ADCY5: variants seen among roughly 807,000 people sequenced by gnomAD.
ADCY5 encodes adenylate cyclase type 5.
Under a neutral mutation model 119.7 loss-of-function variants are expected in ADCY5, and 30 were observed. The ratio of observed to expected loss-of-function variants is 0.25; its 90% confidence interval spans 0.19 to 0.34. ADCY5 has a LOEUF of 0.34. ADCY5 is among the 10% of genes least tolerant of loss of function. The probability of loss-of-function intolerance (pLI) is 1.00; values close to 1 mark genes in which losing one functional copy is unlikely to be tolerated. For missense variants in ADCY5, 1,324 were observed against 1,775.2 expected (o/e 0.75, Z 4.57); for synonymous variants, 753 against 762.2 (o/e 0.99, Z 0.20).
chr3:123,446,620 G>A (rs886489956), intron 1 of ADCY5, among the ~76,000 whole-genome samples: 4 of 152,322 alleles, frequency 2.6e-5, no homozygotes, highest in African/African-American at 7.2e-5. Context: ...CCAGGCAAAA[G>A]TTGTATTTCT....
At chr3:123,342,449 G>A (rs1184692718) in intron 3 of ADCY5, among the ~76,000 whole-genome samples, 1 of 152,162 alleles carries the variant, frequency 6.6e-6, no homozygotes, top group Non-Finnish European at 1.5e-5. Flanking sequence ...CTGATGTGTG[G>A]GGAGCGGGGC....
At chr3:123,327,476 G>T in intron 7 of ADCY5, 142 bp downstream of exon 7, 1 of 904,628 alleles carries the variant, frequency 1.1e-6, no homozygotes, top group Non-Finnish European at 1.6e-6. Flanking sequence ...AACTGCCGGG[G>T]TCCTTTTTAA....
At chr3:123,403,348 G>C (rs1000500417) in intron 1 of ADCY5, among the ~76,000 whole-genome samples, 2 of 141,670 alleles carry the variant, frequency 1.4e-5, no homozygotes, top group African/African-American at 2.7e-5. Flanking sequence ...ACCACTACAT[G>C]CCAGCCTAGG....
chr3:123,441,097 A>G (rs1296117673), intron 1 of ADCY5, among the ~76,000 whole-genome samples: 1 of 152,200 alleles, frequency 6.6e-6, no homozygotes, highest in East Asian at 1.9e-4. Flanking sequence ...ACAGAATTCC[A>G]GGCTTAGGTG....
chr3:123,329,660 C>T (rs1209765277), intron 5 of ADCY5, among the ~76,000 whole-genome samples: 2 of 152,150 alleles, frequency 1.3e-5, no homozygotes, highest in Non-Finnish European at 2.9e-5. Flanking sequence ...GGGGCATGGG[C>T]GCACTCAGCT....
chr3:123,446,400 T>C (rs1413294145), intron 1 of ADCY5, among the ~76,000 whole-genome samples: 1 of 152,142 alleles, frequency 6.6e-6, no homozygotes, highest in Non-Finnish European at 1.5e-5. Context: ...GTGAAGAGAC[T>C]TGCCTGTAGC....
At chr3:123,434,407 G>A (rs114807878) in intron 1 of ADCY5, among the ~76,000 whole-genome samples, 1 of 152,164 alleles carries the variant, frequency 6.6e-6, no homozygotes, top group African/African-American at 2.4e-5. Flanking sequence ...AGTGTATACA[G>A]GAGAGAAAAA....
chr3:123,335,999 C>T (rs1233416675), intron 3 of ADCY5, among the ~76,000 whole-genome samples: 1 of 152,230 alleles, frequency 6.6e-6, no homozygotes, highest in Admixed American at 6.5e-5. Flanking sequence ...CAGGCCCTAT[C>T]CTGCCAGGCC....
intron 8 of ADCY5, among the ~76,000 whole-genome samples, chr3:123,321,454 A>G (rs1410880115): frequency 6.6e-6 from 1 of 152,158 alleles, no homozygotes; most frequent in South Asian, 2.1e-4. Flanking sequence ...GCCCTCTTGA[A>G]TCTATGAATT....
chr3:123,379,857 T>A (rs1313530688), intron 1 of ADCY5, among the ~76,000 whole-genome samples: 2 of 152,186 alleles, frequency 1.3e-5, no homozygotes, highest in African/African-American at 4.8e-5. Flanking sequence ...TGTTAGCTAA[T>A]ACACAGGTTT....
chr3:123,310,103 TACAC>T (rs60966110), intron 12 of ADCY5, among the ~76,000 whole-genome samples: 6,487 of 121,126 alleles, frequency 0.054, 352 homozygotes, highest in African/African-American at 0.13. Context: ...GAGAGAGATT[TACAC>T]ACACACACAC....
chr3:123,427,383 C>A (rs1366727398), intron 1 of ADCY5, among the ~76,000 whole-genome samples: 1 of 152,214 alleles, frequency 6.6e-6, no homozygotes, highest in African/African-American at 2.4e-5. Context: ...CTTCCCAACC[C>A]AGTCCCACTT....
Position 123,284,334 on chromosome 3 carries a change from A to G in ADCY5, c.*274T>C. ...CCACCTGTGCAGCAGCACCTGTTAG[A>G]AAACTCAAGCTTCAGACCCAGTCTA... On this transcript the variant is annotated 3_prime_UTR_variant, in exon 21 of 21. Transcript: ENST00000462833. The G allele has an allele frequency of 2.3e-6, 1 of 432,892 alleles. No homozygotes were observed. Among genetic ancestry groups the G allele is most frequent in the Non-Finnish European group, 4.2e-6 (1 of 237,632 alleles). 26.8% of individuals were successfully genotyped at this position (432,892 alleles called of 1,614,324 possible).
intron 16 of ADCY5, among the ~76,000 whole-genome samples, chr3:123,296,711 G>GT (rs57302044): frequency 0.27 from 40,404 of 152,202 alleles, 5,877 homozygotes; most frequent in African/African-American, 0.37. Context: ...CAAGATGGTA[G>GT]TAAGGATTAA....
intron 1 of ADCY5, among the ~76,000 whole-genome samples, chr3:123,437,507 C>T (rs1307971872): frequency 1.3e-5 from 2 of 152,200 alleles, no homozygotes; most frequent in East Asian, 1.9e-4. Context: ...TTCTCTTATC[C>T]CAGTTTCTGC....
chr3:123,426,299 G>GTTTTTTTTTTTTTTT (rs750760543), intron 1 of ADCY5, among the ~76,000 whole-genome samples: 5 of 97,890 alleles, frequency 5.1e-5, no homozygotes, highest in Non-Finnish European at 6.9e-5. Context: ...TTTCTTTTGT[G>GTTTTTTTTTTTTTTT]TTTTTTTTTT....
intron 1 of ADCY5, among the ~76,000 whole-genome samples, chr3:123,444,716 G>A (rs1945783613): frequency 6.6e-6 from 1 of 152,186 alleles, no homozygotes; most frequent in South Asian, 2.1e-4. Context: ...CTGAGTAAAG[G>A]GGGAGAGGTC....
intron 13 of ADCY5, 151 bp from the exon 14 acceptor site, chr3:123,303,370 A>G: frequency 1.1e-6 from 1 of 912,144 alleles, no homozygotes; most frequent in Non-Finnish European, 1.7e-6. Flanking sequence ...AGTCTGAGGA[A>G]CGGGCAAAGT....
chr3:123,448,325 C>A lies in ADCY5; in HGVS notation c.221G>T (p.Arg74Leu), dbSNP rs755064886. 1 of 1,536,686 alleles carries A rather than the reference C, an allele frequency of 6.5e-7. No homozygotes were observed. Among genetic ancestry groups the A allele is most frequent in the South Asian group, 1.2e-5 (1 of 84,686 alleles). Residue 74 changes from arginine to leucine, a missense_variant, in exon 1 of 21, where the codon CGC becomes CTC. This residue lies in a region of ADCY5 where 585 missense variants were observed against 569.9 expected (regional missense o/e 1.03). Coordinates refer to ENST00000462833, the MANE Select transcript of ADCY5 (RefSeq NM_183357.3). ...CGGAGGATCGTCGTCGTCGTCGCTG[C>A]GCCAGCGGCTGGCCAGGCGCTGCTG... ...QQQQRLASRW[R>L]SDDDDDPPLS...
Sources: allele counts gnomAD v4.1 joint callset (sites outside exome capture counted in the v4.1 genomes callset), GRCh38; gene constraint gnomAD v4.1.1; regional missense constraint gnomAD v4.1.1; transcripts MANE v1.5; gene names NCBI Gene and HGNC (gene_info 2026-07-23, HGNC 2026-07-21).